The following CRKL variants were observed in gnomAD, a reference collection of about 807,000 sequenced individuals.
CRKL encodes CRK like proto-oncogene, adaptor protein.
In CRKL, 3 loss-of-function variants were observed where a neutral mutation model predicts 23.0. That is an observed-to-expected ratio of 0.13 (90% CI 0.06 to 0.34). CRKL has a LOEUF of 0.34. CRKL is among the 10% of genes least tolerant of loss of function. The pLI is 1.00. For synonymous variants in CRKL, 188 were observed against 160.7 expected (o/e 1.17, Z -1.28); for missense variants, 256 against 394.5 (o/e 0.65, Z 2.97).
rs776452921 is a variant in CRKL at position 20,934,088 on chromosome 22, C to T, written c.621C>T (p.Tyr207=). 1.7e-5 allele frequency: 27 copies of T among 1,614,042 alleles called. No homozygotes were observed. The highest frequency in any genetic ancestry group is 7.7e-5 in the South Asian group (7 of 91,088). The part of the protein sequence containing the change: ...SYGIPEPAHA[Y]AQPQTTTPLP... ...GGATCCCAGAACCTGCTCATGCATA[C>T]GCTCAACCTCAGACCACAACTCCTC... Residue 207 remains tyrosine (Y), a synonymous_variant, in exon 2 of 3, where the codon TAC becomes TAT. Transcript: ENST00000354336.
At chr22:20,947,288 G>C (rs1340950111) in intron 2 of CRKL, among the ~76,000 whole-genome samples, 1 of 151,138 alleles carries the variant, frequency 6.6e-6, no homozygotes, top group Non-Finnish European at 1.5e-5. Flanking sequence ...TGTCACCCAG[G>C]CTGGTCTTGA....
intron 1 of CRKL, among the ~76,000 whole-genome samples, chr22:20,920,420 C>T (rs892305296): frequency 6.6e-5 from 10 of 151,504 alleles, no homozygotes; most frequent in African/African-American, 1.7e-4. Flanking sequence ...GAGAATCGCT[C>T]GAACCCGGGA....
At chr22:20,933,320 A>G (rs569634958) in intron 1 of CRKL, among the ~76,000 whole-genome samples, 180 of 151,722 alleles carry the variant, frequency 1.2e-3, no homozygotes, top group African/African-American at 4.2e-3. Context: ...CAGTGAGCTG[A>G]GATCCTGCCA....
chr22:20,934,350 C>A, intron 2 of CRKL, 106 bp downstream of exon 2: 1 of 1,025,908 alleles, frequency 9.7e-7, no homozygotes, highest in Non-Finnish European at 1.4e-6. Context: ...GGAATTAGAG[C>A]ACTGGATGAT....
rs1601686808 is a variant in CRKL at position 20,947,585 on chromosome 22, C to T, written c.778-2126C>T. ...GAACTCCTGACCTCAGGTGATCCAT[C>T]TGCCTTGGCCTCCCAAAGTGTTGGG... On this transcript the variant is annotated intron_variant, in intron 2 of 2. Coordinates refer to ENST00000354336, the MANE Select transcript of CRKL (RefSeq NM_005207.4). 2.6e-5 allele frequency among the ~76,000 whole-genome samples: 4 copies of T among 152,020 alleles called. No homozygotes were observed. The South Asian group carries it at 8.3e-4, about 32-fold the overall frequency.
intron 1 of CRKL, among the ~76,000 whole-genome samples, chr22:20,931,806 T>A (rs1921462713): frequency 6.6e-6 from 1 of 152,170 alleles, no homozygotes; most frequent in South Asian, 2.1e-4. Context: ...TTTTTATTTT[T>A]ATTTTATTTT....
Position 20,952,798 on chromosome 22 carries a change from G to C in CRKL, c.*2953G>C, listed in dbSNP as rs1258879937. Reference sequence around the variant, plus strand: ...GTTAAAAACTTGTGTATCCCGGGAAGGACCTGCGGTACAGGAGTCAGCCAT... The same window carrying C: ...GTTAAAAACTTGTGTATCCCGGGAACGACCTGCGGTACAGGAGTCAGCCAT... On this transcript the variant is annotated 3_prime_UTR_variant, in exon 3 of 3. Coordinates refer to ENST00000354336, the MANE Select transcript of CRKL (RefSeq NM_005207.4). The C allele has an allele frequency of 2.2e-5, 5 of 231,968 alleles. No individual in the cohort carries two copies. The highest frequency in any genetic ancestry group is 3.4e-5 in the Non-Finnish European group (4 of 117,324). 14.4% of individuals were successfully genotyped at this position (231,968 alleles called of 1,614,324 possible). A position where few individuals can be genotyped will look rare whatever the true frequency, so the allele number is the denominator to read the frequency against.
chr22:20,946,723 CAA>C (rs771877816), intron 2 of CRKL, among the ~76,000 whole-genome samples: 1 of 87,492 alleles, frequency 1.1e-5, no homozygotes, highest in South Asian at 6.4e-4. Context: ...CCCCTCCCTC[CAA>C]AAAAAAAAAA....
intron 1 of CRKL, 70 bp downstream of exon 1, chr22:20,918,315 G>T (rs529971510): frequency 7.2e-6 from 11 of 1,524,244 alleles, no homozygotes; most frequent in South Asian, 1.2e-5. Context: ...GCTTGTATAG[G>T]GGGGTGGGGC....
intron 2 of CRKL, among the ~76,000 whole-genome samples, chr22:20,939,004 G>A (rs961500397): frequency 6.6e-6 from 1 of 152,110 alleles, no homozygotes. Context: ...CAAGCAGAAA[G>A]GTTGTATTGA....
At chr22:20,941,180 CA>C in intron 2 of CRKL, among the ~76,000 whole-genome samples, 1 of 152,066 alleles carries the variant, frequency 6.6e-6, no homozygotes, top group Middle Eastern at 3.4e-3. Context: ...GCCTTCTTAC[CA>C]AGGCTTCCCA....
intron 2 of CRKL, among the ~76,000 whole-genome samples, chr22:20,936,460 T>C (rs1248381807): frequency 6.6e-6 from 1 of 152,148 alleles, no homozygotes; most frequent in African/African-American, 2.4e-5. Flanking sequence ...GCCATTCTCC[T>C]GCCTCAGCCT....
intron 2 of CRKL, among the ~76,000 whole-genome samples, chr22:20,948,602 T>C (rs769052550): frequency 6.6e-6 from 1 of 152,196 alleles, no homozygotes; most frequent in African/African-American, 2.4e-5. Flanking sequence ...CCAGGACATT[T>C]GTTTGGTGTC....
Position 20,938,006 on chromosome 22 carries a change from G to A in CRKL, c.777+3762G>A, listed in dbSNP as rs1311629694. ...TGCCTCAGCCTCCTGAGTAGCTGGGGTAAATGTTTTTATGATTGTTATCTT... is the reference window on the plus strand; with the variant it reads ...TGCCTCAGCCTCCTGAGTAGCTGGGATAAATGTTTTTATGATTGTTATCTT... On this transcript the variant is annotated intron_variant, in intron 2 of 2. Coordinates refer to ENST00000354336, the MANE Select transcript of CRKL (RefSeq NM_005207.4). Among the ~76,000 whole-genome samples, 4 of 152,044 alleles carry A rather than the reference G, an allele frequency of 2.6e-5. No individual in the cohort carries two copies. In the East Asian group the frequency reaches 7.7e-4, roughly 29 times the overall value.
intron 2 of CRKL, among the ~76,000 whole-genome samples, chr22:20,944,534 A>G (rs2084519612): frequency 1.3e-5 from 2 of 151,954 alleles, no homozygotes; most frequent in Admixed American, 1.3e-4. Context: ...CCTCCCAAGT[A>G]GCTGGGACTA....
rs1212248445 is a variant in CRKL, at chr22:20,950,406, T to G, written c.*561T>G. On this transcript the variant is annotated 3_prime_UTR_variant, in exon 3 of 3. Coordinates refer to ENST00000354336, the MANE Select transcript of CRKL (RefSeq NM_005207.4). ...TGTGTGGGGGTTTTTTTTTGTTTTG[T>G]TTTGTTTGTTTTGTTTTGTTTTTTT... The G allele has an allele frequency of 8.6e-6, 2 of 232,364 alleles. No individual in the cohort carries two copies. The highest frequency in any genetic ancestry group is 4.4e-5 in the African/African-American group (2 of 45,146). 14.4% of individuals were successfully genotyped at this position (232,364 alleles called of 1,614,324 possible). A position where few individuals can be genotyped will look rare whatever the true frequency, so the allele number is the denominator to read the frequency against.
At position 20,949,836 on chromosome 22, in the gene CRKL, A is replaced by C. The variant is rs201830706; in HGVS notation, c.903A>C (p.Glu301Asp). 12 of 1,607,528 alleles carry C rather than the reference A, an allele frequency of 7.5e-6. No homozygotes were observed. Among genetic ancestry groups the C allele is most frequent in the Middle Eastern group, 3.3e-4 (2 of 6,044 alleles). The part of the protein sequence containing the change: ...VKIFDPQNPD[E>D]NE The stretch of plus-strand genomic sequence containing the variant: ...TCTTTGACCCTCAAAACCCAGATGA[A>C]AACGAGTGATTGCTGTTGCCCTGTT... Residue 301 changes from glutamate (E) to aspartate (D), a missense_variant, in exon 3 of 3, where the codon GAA (glutamate) becomes GAC (aspartate). Glu to Asp is a conservative substitution (Grantham distance 45). Around this residue, in one of 3 missense-constraint regions of CRKL, gnomAD observed 129 missense variants for 222.1 expected, o/e 0.58. Transcript: ENST00000354336.
At chr22:20,921,334 C>G (rs188360365) in intron 1 of CRKL, among the ~76,000 whole-genome samples, 6 of 152,216 alleles carry the variant, frequency 3.9e-5, no homozygotes, top group African/African-American at 1.4e-4. Flanking sequence ...CATTAGAATG[C>G]TTCATAATTT....
chr22:20,948,493 A>G (rs1922151824), intron 2 of CRKL, among the ~76,000 whole-genome samples: 1 of 152,168 alleles, frequency 6.6e-6, no homozygotes, highest in Non-Finnish European at 1.5e-5. Flanking sequence ...AGTAACAATC[A>G]TTTAATTACT....
Sources: allele counts gnomAD v4.1 joint callset (sites outside exome capture counted in the v4.1 genomes callset), GRCh38; gene constraint gnomAD v4.1.1; regional missense constraint gnomAD v4.1.1; transcripts MANE v1.5; gene names NCBI Gene and HGNC (gene_info 2026-07-23, HGNC 2026-07-21).